IKBKG: variants seen among roughly 807,000 people sequenced by gnomAD.
IKBKG encodes the protein NF-kappa-B essential modulator.
A neutral mutation model predicts 13.7 loss-of-function variants in IKBKG; 2 were observed. The observed-to-expected ratio is 0.15, with a 90% CI of 0.06 to 0.46. IKBKG has a LOEUF of 0.46. IKBKG is among the 20% of genes least tolerant of loss of function. The probability of loss-of-function intolerance (pLI) is 0.98; values close to 1 mark genes in which losing one functional copy is unlikely to be tolerated. For missense variants in IKBKG, 53 were observed against 150.3 expected (o/e 0.35, Z 3.39); for synonymous variants, 22 against 64.4 (o/e 0.34, Z 3.15).
intron 2 of IKBKG, among the ~76,000 whole-genome samples, chrX:154,554,316 C>T (rs930190597): frequency 1.8e-4 from 20 of 112,312 alleles, no homozygotes; most frequent in African/African-American, 6.5e-4. Context: ...GCTGGGGGAG[C>T]GACTGCTTAT....
chrX:154,542,102 G>A (rs2070525278), intron 1 of IKBKG: 1 of 413,919 alleles, frequency 2.4e-6, no homozygotes, highest in Admixed American at 5.2e-5. Flanking sequence ...AGTCACCGGG[G>A]CTTTGGGGGA....
upstream of IKBKG, chrX:154,547,323 G>A (rs2070769636): frequency 1.3e-6 from 1 of 754,502 alleles, no homozygotes; most frequent in Non-Finnish European, 1.6e-6. Context: ...GGGTCAAGCC[G>A]GCCCTATTGG....
chrX:154,551,644 T>C (rs1166380432), intron 1 of IKBKG, among the ~76,000 whole-genome samples: 2 of 111,624 alleles, frequency 1.8e-5, no homozygotes, highest in African/African-American at 6.5e-5. Flanking sequence ...GAGGGGCCGG[T>C]ACCCTCCACT....
At position 154,547,648 on chromosome X, in the gene IKBKG, G is replaced by T. The variant is rs955344672; in HGVS notation, c.-113G>T. On this transcript the variant is annotated 5_prime_UTR_variant, in exon 1 of 10. Coordinates refer to ENST00000594239, the MANE Select transcript of IKBKG (RefSeq NM_001099857.5). Reference sequence around the variant, plus strand: ...AGCCGGAAGCGTGGTAGGGAAGGGCGACCGCGAAACTGGGACTTTCTCGGA... The same window carrying T: ...AGCCGGAAGCGTGGTAGGGAAGGGCTACCGCGAAACTGGGACTTTCTCGGA... The T allele has an allele frequency of 1.3e-6, 1 of 753,639 alleles. No homozygotes were observed. Among genetic ancestry groups the T allele is most frequent in the African/African-American group, 2.3e-5 (1 of 43,505 alleles). 62.1% of individuals were successfully genotyped at this position (753,639 alleles called of 1,213,427 possible). A position where few individuals can be genotyped will look rare whatever the true frequency, so the allele number is the denominator to read the frequency against.
At chrX:154,546,251 C>G, upstream of IKBKG, 1 of 1,117,547 alleles carries the variant, frequency 8.9e-7, no homozygotes, top group Non-Finnish European at 1.2e-6. Flanking sequence ...TCTGGGGTCT[C>G]ACACCAGGGT....
chrX:154,544,906 T>C (rs782436856), upstream of IKBKG, among the ~76,000 whole-genome samples: 20 of 112,581 alleles, frequency 1.8e-4, 1 homozygote, highest in South Asian at 6.2e-3. Context: ...GGGCGCACGA[T>C]GTGGAAGAAC....
intron 1 of IKBKG, 66 bp downstream of exon 1, chrX:154,547,811 C>T: frequency 1.3e-6 from 1 of 755,151 alleles, no homozygotes; most frequent in Non-Finnish European, 1.6e-6. Context: ...GAAACTTCCC[C>T]CGGACGTTCA....
chrX:154,542,081 G>C (rs1009033578), intron 1 of IKBKG, among the ~76,000 whole-genome samples: 1 of 112,406 alleles, frequency 8.9e-6, no homozygotes, highest in South Asian at 3.6e-4. Flanking sequence ...TGCTATACCC[G>C]GGGGCTCATG....
upstream of IKBKG, chrX:154,547,410 G>A (rs1430869445): frequency 1.3e-6 from 1 of 754,501 alleles, no homozygotes; most frequent in Non-Finnish European, 1.6e-6. Flanking sequence ...CCGTCCGAGA[G>A]ACGAGGGGGC....
chrX:154,558,710 G>A, intron 4 of IKBKG, 60 bp downstream of exon 4: 1 of 926,478 alleles, frequency 1.1e-6, no homozygotes, highest in African/African-American at 2.0e-5. Flanking sequence ...CAATGAGGTG[G>A]GTTTAGGGGC....
Position 154,552,023 on chromosome X carries a change from G to T in IKBKG, c.21G>T (p.Lys7Asn). Residue 7 changes from lysine (K) to asparagine (N), a missense_variant, in exon 2 of 10, where the codon AAG (lysine) becomes AAT (asparagine). This residue lies in a region of IKBKG where 47 missense variants were observed against 50.0 expected (regional missense o/e 0.94). Transcript: ENST00000594239. ...GTTGGATGAATAGGCACCTCTGGAA[G>T]AGCCAACTGTGTGAGATGGTGCAGC... Reference protein sequence around the residue: MNRHLWKSQLCEMVQPS... With the variant: MNRHLWNSQLCEMVQPS... 9.0e-7 allele frequency: 1 copy of T among 1,106,370 alleles called. No homozygotes were observed. Among genetic ancestry groups the T allele is most frequent in the Non-Finnish European group, 1.2e-6 (1 of 836,691 alleles). The allele number at this position is 1,106,370 out of a possible 1,213,427, so 91.2% of individuals were successfully genotyped here.
At chrX:154,544,993 G>C (rs924056523), upstream of IKBKG, among the ~76,000 whole-genome samples, 1 of 112,203 alleles carries the variant, frequency 8.9e-6, no homozygotes, top group African/African-American at 3.2e-5. Context: ...GTAATGAGCA[G>C]AGAGATTCTT....
chrX:154,542,374 C>T (rs201460468), upstream of IKBKG: 8 of 1,206,214 alleles, frequency 6.6e-6, no homozygotes, highest in East Asian at 3.0e-5. Context: ...CCAGCATCAT[C>T]GAGGTCCCAT....
chrX:154,552,155 C>G lies in IKBKG; in HGVS notation c.153C>G (p.Leu51=). The change falls in exon 2 of 10, where the codon CTC becomes CTG. Residue 51 remains leucine (L), a synonymous_variant. Coordinates refer to ENST00000594239, the MANE Select transcript of IKBKG (RefSeq NM_001099857.5). ...LPSEQGAPET[L]QRCLEENQEL... ...CAGAACAGGGCGCTCCTGAGACCCT[C>G]CAGCGCTGCCTGGAGGAGAATCAAG... is the stretch of plus-strand genomic sequence containing the variant. 1.7e-6 allele frequency: 2 copies of G among 1,192,953 alleles called. No individual in the cohort carries two copies. Among genetic ancestry groups the G allele is most frequent in the Non-Finnish European group, 2.3e-6 (2 of 883,475 alleles).
upstream of IKBKG, chrX:154,545,999 T>C: frequency 8.3e-7 from 1 of 1,207,182 alleles, no homozygotes; most frequent in Non-Finnish European, 1.1e-6. Context: ...AGCAGGCACT[T>C]CCTGGCTTTT....
At chrX:154,548,520 T>G (rs1437550970) in intron 1 of IKBKG, among the ~76,000 whole-genome samples, 1 of 112,645 alleles carries the variant, frequency 8.9e-6, no homozygotes, top group African/African-American at 3.2e-5. Context: ...ATTGGAAATT[T>G]CAAAAATGTA....
At chrX:154,542,923 G>A (rs1485438665), upstream of IKBKG, among the ~76,000 whole-genome samples, 3 of 112,104 alleles carry the variant, frequency 2.7e-5, no homozygotes, top group African/African-American at 9.8e-5. Flanking sequence ...AGGAGGGCAG[G>A]GACTGGCTGC....
upstream of IKBKG, among the ~76,000 whole-genome samples, chrX:154,543,184 C>T (rs782272299): frequency 2.7e-5 from 3 of 112,343 alleles, no homozygotes; most frequent in Non-Finnish European, 5.6e-5. Flanking sequence ...AGAGAGAGGA[C>T]CCCTTGTCCC....
chrX:154,545,982 G>C, upstream of IKBKG: 1 of 1,201,447 alleles, frequency 8.3e-7, no homozygotes, highest in Non-Finnish European at 1.1e-6. Flanking sequence ...GAAAAGCTGA[G>C]GCATGGAGCA....
Sources: gnomAD v4.1 joint callset for allele counts (sites outside exome capture counted in the v4.1 genomes callset) on GRCh38, gnomAD v4.1.1 for gene constraint, gnomAD v4.1.1 regional missense constraint, MANE v1.5 for transcripts, NCBI Gene and HGNC (gene_info 2026-07-23, HGNC 2026-07-21) for gene names.